CCDC172: variants seen among roughly 807,000 people sequenced by gnomAD.
The protein encoded by CCDC172 is coiled-coil domain containing 172, also known as coiled-coil domain-containing protein 172.
CCDC172 carries 30 observed loss-of-function variants against 38.0 expected under a neutral mutation model. The ratio of observed to expected loss-of-function variants is 0.79; its 90% CI spans 0.59 to 1.07. The LOEUF (loss-of-function observed/expected upper bound fraction) is 1.07. Ranked by LOEUF, CCDC172 falls within the 50% of genes least tolerant of loss-of-function variation. The pLI, the probability that CCDC172 is intolerant of heterozygous loss-of-function variation, is 0.00. For missense variants in CCDC172, 297 were observed against 290.1 expected (o/e 1.02, Z -0.17); for synonymous variants, 78 against 88.3 (o/e 0.88, Z 0.66).
intron 3 of CCDC172, among the ~76,000 whole-genome samples, chr10:116,339,323 A>T (rs1844766368): frequency 6.6e-6 from 1 of 151,884 alleles, no homozygotes; most frequent in South Asian, 2.1e-4. Context: ...ACTTCTCTGG[A>T]CCTCATTTTA....
chr10:116,347,933 A>G (rs1021778566), intron 5 of CCDC172, among the ~76,000 whole-genome samples: 1 of 152,124 alleles, frequency 6.6e-6, no homozygotes, highest in African/African-American at 2.4e-5. Context: ...TATATATCCT[A>G]TCACTAACCT....
intron 5 of CCDC172, among the ~76,000 whole-genome samples, chr10:116,356,635 T>C (rs1199117267): frequency 1.3e-5 from 2 of 152,072 alleles, no homozygotes; most frequent in African/African-American, 2.4e-5. Context: ...GAAAGAATAT[T>C]TGAAAATTTA....
intron 3 of CCDC172, 91 bp downstream of exon 3, chr10:116,325,479 C>T: frequency 1.0e-6 from 1 of 970,618 alleles, no homozygotes; most frequent in Non-Finnish European, 1.5e-6. Context: ...ACCAGTTGTC[C>T]TTCAAGTAGG....
chr10:116,340,970 A>G lies in CCDC172; in HGVS notation c.282+120A>G, dbSNP rs536480363. On this transcript the variant is annotated intron_variant, in intron 4 of 8. Coordinates refer to ENST00000333254, the MANE Select transcript of CCDC172 (RefSeq NM_198515.3). ...CATATTAGCAGGTAGTACTGCTCAG[A>G]TACAGGAAAGTATTAAGTGCTATTT... The G allele has an allele frequency of 1.8e-4, 126 of 693,418 alleles. No individual in the cohort carries two copies. In the South Asian group the frequency reaches 2.0e-3, roughly 11 times the overall value. 43.0% of individuals were successfully genotyped at this position (693,418 alleles called of 1,614,324 possible). A position where few individuals can be genotyped will look rare whatever the true frequency, so the allele number is the denominator to read the frequency against.
intron 5 of CCDC172, among the ~76,000 whole-genome samples, chr10:116,348,578 T>G (rs952281963): frequency 3.9e-5 from 6 of 152,332 alleles, no homozygotes; most frequent in Non-Finnish European, 5.9e-5. Flanking sequence ...CTATTCTTAC[T>G]CCTTGAGATT....
chr10:116,357,336 AT>A, intron 5 of CCDC172, 43 bp from the exon 6 acceptor site: 1 of 1,290,578 alleles, frequency 7.7e-7, no homozygotes, highest in Admixed American at 2.7e-5. Context: ...GGTTAAATTT[AT>A]TTCTAAGTAT....
intron 7 of CCDC172, among the ~76,000 whole-genome samples, chr10:116,363,260 G>A (rs554286794): frequency 2.2e-4 from 33 of 152,214 alleles, no homozygotes; most frequent in African/African-American, 7.0e-4. Context: ...TGGCAGGACC[G>A]CTCCCTCTTC....
At chr10:116,359,433 GT>G (rs1458723558) in intron 7 of CCDC172, among the ~76,000 whole-genome samples, 1 of 152,140 alleles carries the variant, frequency 6.6e-6, no homozygotes, top group Non-Finnish European at 1.5e-5. Context: ...TGGAGTAGAT[GT>G]TATTTTTATA....
chr10:116,342,206 G>A lies in CCDC172; in HGVS notation c.448+5G>A, dbSNP rs78334481. 327 of 1,518,742 alleles carry A rather than the reference G, an allele frequency of 2.2e-4. No homozygotes were observed. Among genetic ancestry groups the A allele is most frequent in the Non-Finnish European group, 2.6e-4 (300 of 1,144,610 alleles). The allele number at this position is 1,518,742 out of a possible 1,614,324, so 94.1% of individuals were successfully genotyped here. On this transcript the variant is annotated splice_donor_5th_base_variant and intron_variant, in intron 5 of 8. Transcript: ENST00000333254. ...AAGCAAACATGTTGAAAAGTGGTATGAATAAATATCACCTCATTTGTCTTG... is the reference window on the plus strand; with the variant it reads ...AAGCAAACATGTTGAAAAGTGGTATAAATAAATATCACCTCATTTGTCTTG...
chr10:116,367,458 C>G (rs904899731), intron 7 of CCDC172, among the ~76,000 whole-genome samples: 3 of 151,990 alleles, frequency 2.0e-5, no homozygotes. Context: ...GGGAGGCTGA[C>G]GCGGGCGGAT....
rs112802507 is a variant in CCDC172, at chr10:116,379,567, T to G, written c.*209T>G. On this transcript the variant is annotated 3_prime_UTR_variant, in exon 9 of 9. Transcript: ENST00000333254. ...TACTCAAACTTTAAGAGTTCTTCTG[T>G]GGTTTGATTTTGTTTCTAAAAGAAG... 2.8e-4 allele frequency: 109 copies of G among 391,680 alleles called. No homozygotes were observed. The highest frequency in any genetic ancestry group is 2.1e-3 in the African/African-American group (101 of 47,882). The allele number at this position is 391,680 out of a possible 1,614,324, so 24.3% of individuals were successfully genotyped here.
chr10:116,367,833 T>A (rs1658342583), intron 7 of CCDC172, among the ~76,000 whole-genome samples: 1 of 152,084 alleles, frequency 6.6e-6, no homozygotes, highest in South Asian at 2.1e-4. Flanking sequence ...CTTCTTTCCC[T>A]TTCTCCTCTC....
At chr10:116,350,756 G>T (rs1418526870) in intron 5 of CCDC172, among the ~76,000 whole-genome samples, 1 of 152,126 alleles carries the variant, frequency 6.6e-6, no homozygotes, top group Non-Finnish European at 1.5e-5. Flanking sequence ...CATGTTAAAA[G>T]ATGTAAATTA....
At chr10:116,339,987 G>A (rs2134919585) in intron 3 of CCDC172, among the ~76,000 whole-genome samples, 1 of 151,958 alleles carries the variant, frequency 6.6e-6, no homozygotes, top group South Asian at 2.1e-4. Flanking sequence ...TTTCTTATGA[G>A]GGCTAGTACT....
intron 5 of CCDC172, among the ~76,000 whole-genome samples, chr10:116,353,140 C>T (rs562532986): frequency 6.6e-6 from 1 of 151,940 alleles, no homozygotes; most frequent in Admixed American, 6.6e-5. Flanking sequence ...TTGCAGTGAG[C>T]CGAGATCGCG....
chr10:116,338,707 T>G (rs1294328699), intron 3 of CCDC172, among the ~76,000 whole-genome samples: 2 of 152,126 alleles, frequency 1.3e-5, no homozygotes, highest in Non-Finnish European at 1.5e-5. Flanking sequence ...ATTTAAGCTC[T>G]TAGTCATTGA....
chr10:116,325,659 A>G (rs1263142200), intron 3 of CCDC172, among the ~76,000 whole-genome samples: 4 of 152,222 alleles, frequency 2.6e-5, no homozygotes, highest in African/African-American at 4.8e-5. Context: ...AAAGAGCACA[A>G]TGTCATTAGA....
intron 3 of CCDC172, among the ~76,000 whole-genome samples, chr10:116,330,309 G>A (rs1844644491): frequency 6.6e-6 from 1 of 152,168 alleles, no homozygotes; most frequent in Admixed American, 6.5e-5. Flanking sequence ...TGATATTAAT[G>A]AATATGAATG....
intron 6 of CCDC172, 92 bp downstream of exon 6, chr10:116,357,573 G>C: frequency 1.9e-6 from 2 of 1,057,834 alleles, no homozygotes; most frequent in Non-Finnish European, 2.6e-6. Context: ...ATATTAACCT[G>C]TTGTGATATA....
Sources: allele counts gnomAD v4.1 joint callset (sites outside exome capture counted in the v4.1 genomes callset), GRCh38; gene constraint gnomAD v4.1.1; transcripts MANE v1.5; gene names NCBI Gene and HGNC (gene_info 2026-07-23, HGNC 2026-07-21).